TTN: variants seen among roughly 807,000 people sequenced by gnomAD.
TTN encodes the protein connectin.
A neutral mutation model predicts 3,223.0 loss-of-function variants in TTN; 1,525 were observed. That is an observed-to-expected ratio of 0.47 (90% CI 0.45 to 0.49). TTN has a LOEUF of 0.49. TTN is among the 20% of genes least tolerant of loss of function. The pLI, the probability that TTN is intolerant of heterozygous loss-of-function variation, is 0.00. For missense variants in TTN, 40,786 were observed against 43,424.0 expected, an observed-to-expected ratio of 0.94 and a Z score of 5.40; for synonymous variants, 14,094 against 15,161.0, an observed-to-expected ratio of 0.93 and a Z score of 5.17.
Position 178,573,708 on chromosome 2 carries a change from G to A in TTN, c.72424C>T (p.Leu24142=), listed in dbSNP as rs1178099292. ...TCATCCAGTGGAGGGAACCATGATAGTACACACTTTTCTGATGTCACTTCA... is the reference window on the plus strand; with the variant it reads ...TCATCCAGTGGAGGGAACCATGATAATACACACTTTTCTGATGTCACTTCA... ...VTEVTSEKCV[L]SWFPPLDDGG... is the part of the protein sequence containing the mutation. The change falls in exon 326 of 363, where the codon CTA becomes TTA. Residue 24142 remains leucine (L), a synonymous_variant. Coordinates refer to ENST00000589042, the MANE Select transcript of TTN (RefSeq NM_001267550.2). 2.6e-6 allele frequency: 4 copies of A among 1,544,460 alleles called. No individual in the cohort carries two copies. Among genetic ancestry groups the A allele is most frequent in the Non-Finnish European group, 1.7e-6 (2 of 1,146,870 alleles).
chr2:178,792,671 G>T (rs2093570361), intron 9 of TTN, among the ~76,000 whole-genome samples: 2 of 152,172 alleles, frequency 1.3e-5, no homozygotes, highest in Admixed American at 1.3e-4. Flanking sequence ...CCTAAATACT[G>T]TGAAGAATGC....
At chr2:178,733,980 T>C in intron 52 of TTN, 88 bp from the exon 53 acceptor site, 1 of 1,278,270 alleles carries the variant, frequency 7.8e-7, no homozygotes, top group Non-Finnish European at 1.1e-6. Context: ...CAAGATTATA[T>C]TTATCTTGTC....
Position 178,779,054 on chromosome 2 carries a change from T to C in TTN, c.4028A>G (p.Gln1343Arg). The change falls in exon 24 of 363, where the codon CAA becomes CGA. Residue 1343 changes from glutamine to arginine, a missense_variant. By Grantham distance (43) the Gln-to-Arg change is conservative. Transcript: ENST00000589042. ...TATACGCAGACTAGCTCTGCCATCT[T>C]GTAGAAAGTCCATTTGGTATCTTTC... The part of the protein sequence containing the change: ...HGERYQMDFL[Q>R]DGRASLRIPV... 6.2e-7 allele frequency: 1 copy of C among 1,614,050 alleles called. No individual in the cohort carries two copies. The highest frequency in any genetic ancestry group is 8.5e-7 in the Non-Finnish European group (1 of 1,179,958).
chr2:178,588,121 T>C lies in TTN; in HGVS notation c.63286A>G (p.Ile21096Val), dbSNP rs568922646. The change falls in exon 305 of 363, where the codon ATC (isoleucine) becomes GTC (valine). Residue 21096 changes from isoleucine (I) to valine (V), a missense_variant. Physicochemically the swap from Ile to Val is conservative, Grantham distance 29 (BLOSUM62 3). Transcript: ENST00000589042. ...GKPVYDGGAPIIGYVVEMRPK... is the reference protein window; with the variant it reads ...GKPVYDGGAPVIGYVVEMRPK... ...CTCATTTCCACAACATATCCAATGA[T>C]CGGTGCACCACCATCATAGACTGGT... is the stretch of plus-strand genomic sequence containing the variant. 1.2e-6 allele frequency: 2 copies of C among 1,612,932 alleles called. No individual in the cohort carries two copies. The highest frequency in any genetic ancestry group is 1.7e-5 in the Admixed American group (1 of 59,954).
chr2:178,539,020 A>G lies in TTN; in HGVS notation c.98915T>C (p.Ile32972Thr). The G allele has an allele frequency of 6.2e-7, 1 of 1,613,738 alleles. No individual in the cohort carries two copies. The highest frequency in any genetic ancestry group is 8.5e-7 in the Non-Finnish European group (1 of 1,179,724). Residue 32972 changes from isoleucine (I) to threonine (T), a missense_variant, in exon 353 of 363, where the codon ATC (isoleucine) becomes ACC (threonine). By Grantham distance (89) the Ile-to-Thr change is moderately conservative (BLOSUM62 -1). Transcript: ENST00000589042. ...LVPDAEYQFR[I>T]IAQNDVGLSE... Reference sequence around the variant, plus strand: ...CAGGCCAACATCATTCTGTGCGATGATGCGGAACTGATACTCAGCATCGGG... The same window carrying G: ...CAGGCCAACATCATTCTGTGCGATGGTGCGGAACTGATACTCAGCATCGGG...
chr2:178,612,854 A>G lies in TTN; in HGVS notation c.49867T>C (p.Phe16623Leu). The change falls in exon 265 of 363, where the codon TTC becomes CTC. Residue 16623 changes from phenylalanine to leucine, a missense_variant. Phe to Leu is a conservative substitution (Grantham distance 22). Transcript: ENST00000589042. ...PGLMEGQEYS[F>L]RVRAVNKAGE... Reference sequence around the variant, plus strand: ...GCCTTATTCACAGCTCTAACTCGGAATGAGTATTCCTGTCCTTCCATGAGC... The same window carrying G: ...GCCTTATTCACAGCTCTAACTCGGAGTGAGTATTCCTGTCCTTCCATGAGC... 6.2e-7 allele frequency: 1 copy of G among 1,612,554 alleles called. No individual in the cohort carries two copies. The highest frequency in any genetic ancestry group is 1.3e-5 in the African/African-American group (1 of 74,946).
At position 178,720,934 on chromosome 2, in the gene TTN, C is replaced by T. The variant is rs768936623; in HGVS notation, c.23085G>A (p.Ala7695=). ...AGTGTGTCTAACCTTTCACTGTCAA[C>T]GCTGTGCTGCAGCTGGCGTCACCAA... ...NGVGDASCST[A]LTVKAPPVFT... is the part of the protein sequence containing the mutation. The change falls in exon 79 of 363, where the codon GCG becomes GCA. Residue 7695 remains alanine, a synonymous_variant. Transcript: ENST00000589042. 41 of 1,593,844 alleles carry T rather than the reference C, an allele frequency of 2.6e-5. No homozygotes were observed. The highest frequency in any genetic ancestry group is 1.6e-4 in the East Asian group (7 of 44,368).
At position 178,526,737 on chromosome 2, in the gene TTN, A is replaced by G; in HGVS notation, c.*275T>C. ...TCTCCTACCAACAGTTAGTTTCAAA[A>G]CTTACATTGTAAAATGTCATAAAAT... On this transcript the variant is annotated 3_prime_UTR_variant, in exon 363 of 363. Coordinates refer to ENST00000589042, the MANE Select transcript of TTN (RefSeq NM_001267550.2). 1 of 269,030 alleles carries G rather than the reference A, an allele frequency of 3.7e-6. No homozygotes were observed. Among genetic ancestry groups the G allele is most frequent in the Non-Finnish European group, 7.0e-6 (1 of 143,840 alleles). The allele number at this position is 269,030 out of a possible 1,614,324, so 16.7% of individuals were successfully genotyped here.
rs746552047 is a variant in TTN at position 178,549,623 on chromosome 2, A to G, written c.92099T>C (p.Phe30700Ser). The part of the protein sequence containing the change: ...YQFRVSAVNK[F>S]GVGRPLDSDP... ...AGAATCAAGTGGCCTGCCAACACCA[A>G]ACTTGTTAACTGCAGAAACACGGAA... Residue 30700 changes from phenylalanine to serine, a missense_variant, in exon 338 of 363, where the codon TTT (phenylalanine) becomes TCT (serine). Phe to Ser is a radical substitution (Grantham distance 155, BLOSUM62 -2). Coordinates refer to ENST00000589042, the MANE Select transcript of TTN (RefSeq NM_001267550.2). 4 of 1,613,802 alleles carry G rather than the reference A, an allele frequency of 2.5e-6. No individual in the cohort carries two copies. Among genetic ancestry groups the G allele is most frequent in the Non-Finnish European group, 3.4e-6 (4 of 1,179,750 alleles).
At chr2:178,777,379 T>C (rs770503915) in intron 26 of TTN, 41 bp downstream of exon 26, 1 of 1,611,996 alleles carries the variant, frequency 6.2e-7, no homozygotes, top group East Asian at 2.2e-5. Context: ...ATAACCCAAG[T>C]GATAAGAAAA....
At chr2:178,779,498 A>G in intron 22 of TTN, 36 bp from the exon 23 acceptor site, 1 of 1,231,174 alleles carries the variant, frequency 8.1e-7, no homozygotes, top group African/African-American at 1.5e-5. Flanking sequence ...AAAAATACAT[A>G]TCCTTACTGA....
intron 294 of TTN, 145 bp downstream of exon 294, chr2:178,597,393 A>T: frequency 8.0e-6 from 8 of 998,904 alleles, no homozygotes; most frequent in Middle Eastern, 3.2e-4. Context: ...GGAAATTTTT[A>T]AAAATTCTAA....
intron 94 of TTN, 30 bp downstream of exon 94, chr2:178,712,667 G>C: frequency 6.2e-7 from 1 of 1,607,554 alleles, no homozygotes; most frequent in Non-Finnish European, 8.5e-7. Context: ...ATTACTAATC[G>C]TATAAATCTA....
At chr2:178,702,382 T>C (rs2154289907) in intron 107 of TTN, 72 bp downstream of exon 107, 2 of 1,606,694 alleles carry the variant, frequency 1.2e-6, no homozygotes, top group Non-Finnish European at 1.7e-6. Context: ...CATGAGCGCA[T>C]ACAGGGTAGA....
chr2:178,706,419 C>CTGAT, intron 102 of TTN, 35 bp downstream of exon 102: 2 of 1,563,360 alleles, frequency 1.3e-6, no homozygotes, highest in South Asian at 2.4e-5. Flanking sequence ...ATATGGAGGG[C>CTGAT]TGATTGTACG....
intron 110 of TTN, 45 bp from the exon 111 acceptor site, chr2:178,701,248 T>C: frequency 6.5e-7 from 1 of 1,542,296 alleles, no homozygotes. Flanking sequence ...AGTTTCTTAT[T>C]TTGCGTAAAA....
At chr2:178,593,893 A>G (rs1395104607) in intron 297 of TTN, 26 bp from the exon 298 acceptor site, 1 of 1,608,364 alleles carries the variant, frequency 6.2e-7, no homozygotes, top group South Asian at 1.1e-5. Flanking sequence ...ATCATGGCAC[A>G]AAATGTTATT....
At position 178,741,691 on chromosome 2, in the gene TTN, TG is replaced by T; in HGVS notation, c.11541del (p.Lys3848AsnfsTer13). On this transcript the variant is annotated frameshift_variant, in exon 48 of 363. Transcript: ENST00000589042. LOFTEE classifies it high-confidence loss of function. ...TTAAAGAACCACTGAATTTTAGGTT[TG>T]GGGATGCCAATGACAGTTACAGACA... is the stretch of plus-strand genomic sequence containing the variant. ...ATLSVTVIGI[P>X]KPKIQWFFNG... The T allele has an allele frequency of 6.2e-7, 1 of 1,613,786 alleles. No individual in the cohort carries two copies. The highest frequency in any genetic ancestry group is 1.1e-5 in the South Asian group (1 of 91,082).
Position 178,573,195 on chromosome 2 carries a change from G to T in TTN, c.72937C>A (p.Pro24313Thr), listed in dbSNP as rs1306961227. The T allele has an allele frequency of 6.2e-7, 1 of 1,608,162 alleles. No individual in the cohort carries two copies. Among genetic ancestry groups the T allele is most frequent in the Admixed American group, 1.7e-5 (1 of 59,608 alleles). Residue 24313 changes from proline (P) to threonine (T), a missense_variant, in exon 326 of 363, where the codon CCA becomes ACA. By Grantham distance (38) the Pro-to-Thr change is conservative. Coordinates refer to ENST00000589042, the MANE Select transcript of TTN (RefSeq NM_001267550.2). ...ACAGTGTCACAAGCCTTGTAAAATGGACTGGTAGGACTTGGTGCACTAATT... is the reference window on the plus strand; with the variant it reads ...ACAGTGTCACAAGCCTTGTAAAATGTACTGGTAGGACTTGGTGCACTAATT... ...AGISAPSPTS[P>T]FYKACDTVFK... is the part of the protein sequence containing the mutation.
Sources: gnomAD v4.1 joint callset for allele counts (sites outside exome capture counted in the v4.1 genomes callset) on GRCh38, gnomAD v4.1.1 for gene constraint, MANE v1.5 for transcripts, NCBI Gene and HGNC (gene_info 2026-07-23, HGNC 2026-07-21) for gene names.